Variants in COG5 observed in about 807,000 individuals in gnomAD.
COG5 encodes the protein component of oligomeric golgi complex 5, also known as conserved oligomeric Golgi complex subunit 5.
In COG5, 86 loss-of-function variants were observed where a neutral mutation model predicts 110.4. The observed-to-expected ratio is 0.78, with a 90% CI of 0.65 to 0.93. COG5 has a LOEUF of 0.93. Ranked by LOEUF, COG5 falls within the 40% of genes least tolerant of loss-of-function variation. The probability of loss-of-function intolerance (pLI) is 0.00; values close to 1 mark genes in which losing one functional copy is unlikely to be tolerated. For missense variants in COG5, 1,077 were observed against 987.0 expected (o/e 1.09, Z -1.22); for synonymous variants, 360 against 334.6 (o/e 1.08, Z -0.83).
At chr7:107,503,893 T>C (rs1798797527) in intron 6 of COG5, among the ~76,000 whole-genome samples, 1 of 152,116 alleles carries the variant, frequency 6.6e-6, no homozygotes, top group African/African-American at 2.4e-5. Context: ...TCTGGAGCAG[T>C]CTTTATTTAG....
chr7:107,249,157 T>C (rs1458544211), intron 16 of COG5, among the ~76,000 whole-genome samples: 1 of 152,174 alleles, frequency 6.6e-6, no homozygotes, highest in Non-Finnish European at 1.5e-5. Context: ...GCGCATTTCA[T>C]GAATTAGGTT....
intron 18 of COG5, among the ~76,000 whole-genome samples, chr7:107,234,467 A>G (rs1801010875): frequency 6.6e-6 from 1 of 152,232 alleles, no homozygotes; most frequent in African/African-American, 2.4e-5. Context: ...AGCAGGTGTT[A>G]GCGGCAGTAG....
intron 6 of COG5, among the ~76,000 whole-genome samples, chr7:107,509,751 C>G (rs1350408094): frequency 6.6e-6 from 1 of 152,150 alleles, no homozygotes; most frequent in Non-Finnish European, 1.5e-5. Context: ...ATTCAACATT[C>G]TTAAAGAAAA....
chr7:107,408,814 C>A (rs1183699596), intron 7 of COG5, among the ~76,000 whole-genome samples: 1 of 152,056 alleles, frequency 6.6e-6, no homozygotes, highest in South Asian at 2.1e-4. Context: ...ATATAAAACA[C>A]CAGTGGGCAG....
intron 7 of COG5, among the ~76,000 whole-genome samples, chr7:107,405,935 C>T (rs112859272): frequency 2.6e-5 from 4 of 152,118 alleles, no homozygotes; most frequent in African/African-American, 9.7e-5. Context: ...AGTAGATACC[C>T]AATCTGCTGG....
At chr7:107,532,857 C>G (rs1801310069) in intron 5 of COG5, among the ~76,000 whole-genome samples, 1 of 152,144 alleles carries the variant, frequency 6.6e-6, no homozygotes, top group African/African-American at 2.4e-5. Flanking sequence ...ATATGCTCTT[C>G]CCACTGTTTT....
chr7:107,427,023 T>C (rs1793684365), intron 6 of COG5, among the ~76,000 whole-genome samples: 1 of 152,202 alleles, frequency 6.6e-6, no homozygotes, highest in Non-Finnish European at 1.5e-5. Flanking sequence ...CTCTGACTAC[T>C]ATTCGATAAT....
intron 10 of COG5, among the ~76,000 whole-genome samples, chr7:107,326,064 G>C (rs563983731): frequency 1.3e-5 from 2 of 152,232 alleles, no homozygotes; most frequent in South Asian, 4.1e-4. Flanking sequence ...CCACATGGTC[G>C]TCTCAATTAA....
chr7:107,422,682 A>G (rs1793377461), intron 6 of COG5, among the ~76,000 whole-genome samples: 1 of 151,592 alleles, frequency 6.6e-6, no homozygotes, highest in South Asian at 2.1e-4. Flanking sequence ...GGTTTCTTTA[A>G]TGAAACTTAA....
At chr7:107,358,749 C>A (rs1812844961) in intron 10 of COG5, among the ~76,000 whole-genome samples, 1 of 152,132 alleles carries the variant, frequency 6.6e-6, no homozygotes, top group Non-Finnish European at 1.5e-5. Flanking sequence ...CCTGATAAAA[C>A]TCTGGACTCA....
At chr7:107,451,327 G>C (rs1384361426) in intron 6 of COG5, among the ~76,000 whole-genome samples, 1 of 152,094 alleles carries the variant, frequency 6.6e-6, no homozygotes, top group Non-Finnish European at 1.5e-5. Context: ...AGATGTAGAA[G>C]AAGCAGTGCC....
intron 6 of COG5, among the ~76,000 whole-genome samples, chr7:107,483,659 G>C (rs537617561): frequency 6.6e-6 from 1 of 150,666 alleles, no homozygotes; most frequent in Non-Finnish European, 1.5e-5. Flanking sequence ...AGCCAAGATC[G>C]CACCATTGCA....
At chr7:107,486,151 C>T (rs13242469) in intron 6 of COG5, among the ~76,000 whole-genome samples, 118 of 152,018 alleles carry the variant, frequency 7.8e-4, no homozygotes, top group Non-Finnish European at 1.3e-3. Flanking sequence ...ATAATTTAAT[C>T]CCAAAGCCTA....
intron 6 of COG5, among the ~76,000 whole-genome samples, chr7:107,443,404 C>T (rs1306896502): frequency 6.6e-6 from 1 of 151,902 alleles, no homozygotes; most frequent in Non-Finnish European, 1.5e-5. Context: ...GAAGTGGTTT[C>T]GGGGAATAAT....
At chr7:107,387,893 C>A (rs547835204) in intron 7 of COG5, among the ~76,000 whole-genome samples, 1 of 152,354 alleles carries the variant, frequency 6.6e-6, no homozygotes, top group East Asian at 1.9e-4. Context: ...CTTGAGCCCA[C>A]CCTGTGTGCT....
rs1807872777 is a variant in COG5 at position 107,307,934 on chromosome 7, T to A, written c.1109-9588A>T. On this transcript the variant is annotated intron_variant, in intron 11 of 21. Transcript: ENST00000297135. ...AATAAAAATAAAAATTACACAAAAA[T>A]ACATAGCCACAGTTCTCTTATACTT... 3.3e-5 allele frequency among the ~76,000 whole-genome samples: 5 copies of A among 152,184 alleles called. No individual in the cohort carries two copies. The South Asian group carries it at 1.0e-3, about 32-fold the overall frequency.
intron 6 of COG5, among the ~76,000 whole-genome samples, chr7:107,500,870 T>C (rs201177113): frequency 4.3e-5 from 5 of 116,912 alleles, no homozygotes; most frequent in Non-Finnish European, 8.6e-5. Flanking sequence ...CCCTGCCCTG[T>C]TGTTTATACA....
intron 6 of COG5, among the ~76,000 whole-genome samples, chr7:107,457,413 AAT>A (rs1353969663): frequency 6.6e-6 from 1 of 151,654 alleles, no homozygotes; most frequent in Non-Finnish European, 1.5e-5. Flanking sequence ...CCAAGTCTAA[AAT>A]ATGAGTTTTT....
intron 6 of COG5, among the ~76,000 whole-genome samples, chr7:107,493,287 T>C (rs547792158): frequency 6.6e-6 from 1 of 152,288 alleles, no homozygotes; most frequent in Admixed American, 6.5e-5. Flanking sequence ...TTATAAACTA[T>C]ATAATCTGTA....
Sources: allele counts gnomAD v4.1 joint callset (sites outside exome capture counted in the v4.1 genomes callset), GRCh38; gene constraint gnomAD v4.1.1; transcripts MANE v1.5; gene names NCBI Gene and HGNC (gene_info 2026-07-23, HGNC 2026-07-21).